Variants in TUBGCP6 observed in about 807,000 individuals in gnomAD.
TUBGCP6 encodes the protein tubulin gamma complex component 6.
Under a neutral mutation model 175.8 loss-of-function variants are expected in TUBGCP6, and 161 were observed. The ratio of observed to expected loss-of-function variants is 0.92; its 90% confidence interval spans 0.81 to 1.04. TUBGCP6 has a LOEUF of 1.04. Ranked by LOEUF, TUBGCP6 falls within the 50% of genes least tolerant of loss-of-function variation. The pLI, the probability that TUBGCP6 is intolerant of heterozygous loss-of-function variation, is 0.00. For missense variants in TUBGCP6, 2,572 were observed against 2,433.0 expected (o/e 1.06, Z -1.20); for synonymous variants, 1,173 against 1,030.5 (o/e 1.14, Z -2.65).
chr22:50,227,943 A>G lies in TUBGCP6; in HGVS notation c.1376T>C (p.Ile459Thr), dbSNP rs1289196991. 3 of 1,574,356 alleles carry G rather than the reference A, an allele frequency of 1.9e-6. No individual in the cohort carries two copies. The highest frequency in any genetic ancestry group is 2.7e-5 in the African/African-American group (2 of 74,352). Reference sequence around the variant, plus strand: ...GCCAAGTTTCTTGAAGAGAAAACCAATGGTGAGGAGGCTCAGGGTGGGCGG... The same window carrying G: ...GCCAAGTTTCTTGAAGAGAAAACCAGTGGTGAGGAGGCTCAGGGTGGGCGG... ...STPPTLSLLT[I>T]GFLFKKLGRQ... Residue 459 changes from isoleucine (I) to threonine (T), a missense_variant, in exon 5 of 25, where the codon ATT becomes ACT. Coordinates refer to ENST00000248846, the MANE Select transcript of TUBGCP6 (RefSeq NM_020461.4).
chr22:50,220,254 GTTC>G lies in TUBGCP6; in HGVS notation c.4102_4104del (p.Glu1368del). 3 of 1,553,760 alleles carry G rather than the reference GTTC, an allele frequency of 1.9e-6. No homozygotes were observed. The highest frequency in any genetic ancestry group is 2.6e-6 in the Non-Finnish European group (3 of 1,146,126). On this transcript the variant is annotated inframe_deletion, in exon 16 of 25. Coordinates refer to ENST00000248846, the MANE Select transcript of TUBGCP6 (RefSeq NM_020461.4). ...CCACCAGCCACCCTACTCTGACCTAGTTCTTCAGAGACACTGTCTCCCGGGGTG... is the reference window on the plus strand; with the variant it reads ...CCACCAGCCACCCTACTCTGACCTAGTTCAGAGACACTGTCTCCCGGGGTG...
At chr22:50,243,050 C>A (rs1173523398) in intron 1 of TUBGCP6, among the ~76,000 whole-genome samples, 1 of 152,202 alleles carries the variant, frequency 6.6e-6, no homozygotes, top group East Asian at 1.9e-4. Flanking sequence ...CACAGTGGCT[C>A]ATGCCTGTAA....
chr22:50,244,342 CCTT>C lies in TUBGCP6; in HGVS notation c.115_117del (p.Lys39del), dbSNP rs773501468. 1.2e-6 allele frequency: 2 copies of C among 1,613,548 alleles called. No individual in the cohort carries two copies. The highest frequency in any genetic ancestry group is 2.2e-5 in the East Asian group (1 of 44,882). Reference sequence around the variant, plus strand: ...TTTGTGAAAAGAGCATTGTAGGCCACCTTCTTGAGGCTCCGCTTTGCCCTCTTC... The same window carrying C: ...TTTGTGAAAAGAGCATTGTAGGCCACCTTGAGGCTCCGCTTTGCCCTCTTC... On this transcript the variant is annotated inframe_deletion, in exon 1 of 25. Coordinates refer to ENST00000248846, the MANE Select transcript of TUBGCP6 (RefSeq NM_020461.4).
chr22:50,233,547 A>G lies in TUBGCP6; in HGVS notation c.906-21T>C, dbSNP rs1410604505. On this transcript the variant is annotated intron_variant, in intron 2 of 24. Transcript: ENST00000248846. ...GGGGGCTGCGAGGGGTGCAGAAGAGAGGCCATGAGCAGACGTGGTGACCTG... is the reference window on the plus strand; with the variant it reads ...GGGGGCTGCGAGGGGTGCAGAAGAGGGGCCATGAGCAGACGTGGTGACCTG... 4 of 1,585,434 alleles carry G rather than the reference A, an allele frequency of 2.5e-6. No individual in the cohort carries two copies. In the African/African-American group the frequency reaches 5.4e-5, roughly 21 times the overall value.
Position 50,221,886 on chromosome 22 carries a change from G to A in TUBGCP6, c.2485-12C>T, listed in dbSNP as rs1555907731. Reference sequence around the variant, plus strand: ...CCCGGAGACGTGACCTGAAACACAGGTGACATCAGACCCAGTCTGGTCTCA... The same window carrying A: ...CCCGGAGACGTGACCTGAAACACAGATGACATCAGACCCAGTCTGGTCTCA... On this transcript the variant is annotated splice_polypyrimidine_tract_variant and intron_variant, in intron 15 of 24. Coordinates refer to ENST00000248846, the MANE Select transcript of TUBGCP6 (RefSeq NM_020461.4). 1.3e-6 allele frequency: 2 copies of A among 1,520,616 alleles called. No individual in the cohort carries two copies. The highest frequency in any genetic ancestry group is 1.8e-6 in the Non-Finnish European group (2 of 1,133,734). The allele number at this position is 1,520,616 out of a possible 1,614,324, so 94.2% of individuals were successfully genotyped here. A position where few individuals can be genotyped will look rare whatever the true frequency, so the allele number is the denominator to read the frequency against.
intron 16 of TUBGCP6, 73 bp downstream of exon 16, chr22:50,220,178 C>T (rs752248878): frequency 6.5e-7 from 1 of 1,548,484 alleles, no homozygotes; most frequent in Non-Finnish European, 8.8e-7. Context: ...CCACCAACCC[C>T]ACTGCCCGCC....
chr22:50,227,775 C>T, intron 5 of TUBGCP6, 132 bp downstream of exon 5: 2 of 1,311,120 alleles, frequency 1.5e-6, no homozygotes. Context: ...CGGCCAAGGG[C>T]CATCCGGTCG....
rs1279649172 is a variant in TUBGCP6 at position 50,225,935 on chromosome 22, G to A, written c.1842C>T (p.Leu614=). Residue 614 remains leucine (L), a synonymous_variant, in exon 10 of 25, where the codon CTC becomes CTT. Coordinates refer to ENST00000248846, the MANE Select transcript of TUBGCP6 (RefSeq NM_020461.4). The part of the protein sequence containing the change: ...LLKLCCPRHY[L]CWSDVPVPRI... ...GGGGGACAGGGACGTCGGACCAACA[G>A]AGGTAATGCTGCCAAAGGGGATGCA... is the stretch of plus-strand genomic sequence containing the variant. 6 of 1,613,546 alleles carry A rather than the reference G, an allele frequency of 3.7e-6. No individual in the cohort carries two copies. The highest frequency in any genetic ancestry group is 5.1e-6 in the Non-Finnish European group (6 of 1,179,842).
rs762988506 is a variant in TUBGCP6 at position 50,233,527 on chromosome 22, C to T, written c.906-1G>A. 1.2e-6 allele frequency: 2 copies of T among 1,600,744 alleles called. No individual in the cohort carries two copies. The highest frequency in any genetic ancestry group is 1.7e-6 in the Non-Finnish European group (2 of 1,174,036). On this transcript the variant is annotated splice_acceptor_variant, in intron 2 of 24. Transcript: ENST00000248846. LOFTEE classifies it high-confidence loss of function. ...AGGCTCCTCTCTGTGGCCAGGGGGG[C>T]TGCGAGGGGTGCAGAAGAGAGGCCA...
At position 50,218,629 on chromosome 22, in the gene TUBGCP6, A is replaced by C. The variant is rs141728151; in HGVS notation, c.4822-9T>G. 6 of 1,613,776 alleles carry C rather than the reference A, an allele frequency of 3.7e-6. No homozygotes were observed. Among genetic ancestry groups the C allele is most frequent in the Non-Finnish European group, 3.4e-6 (4 of 1,179,944 alleles). On this transcript the variant is annotated splice_polypyrimidine_tract_variant and intron_variant, in intron 21 of 24. Transcript: ENST00000248846. ...TTGAGAGGCCAGTCCACCTGCCAGGAGGCGTGGCTCAGCAGGCATCCCACA... is the reference window on the plus strand; with the variant it reads ...TTGAGAGGCCAGTCCACCTGCCAGGCGGCGTGGCTCAGCAGGCATCCCACA...
chr22:50,222,667 G>A, intron 13 of TUBGCP6, 75 bp from the exon 14 acceptor site: 1 of 1,580,588 alleles, frequency 6.3e-7, no homozygotes, highest in Non-Finnish European at 8.6e-7. Flanking sequence ...CTCAGGCCAG[G>A]ATGGTTCTCC....
chr22:50,234,821 C>T (rs111569990), intron 2 of TUBGCP6, among the ~76,000 whole-genome samples: 19,710 of 144,470 alleles, frequency 0.14, 1,552 homozygotes, highest in Middle Eastern at 0.25. Context: ...TCCACACCCC[C>T]TGTCCACGAC....
chr22:50,228,000 A>AG lies in TUBGCP6; in HGVS notation c.1318dup (p.Leu440ProfsTer127). Reference sequence around the variant, plus strand: ...AAGGACGCAGGCCCGGTAATACTGCAGGTACCTCCTCAGGCCACTGGTGAA... The same window carrying AG: ...AAGGACGCAGGCCCGGTAATACTGCAGGGTACCTCCTCAGGCCACTGGTGAA... On this transcript the variant is annotated frameshift_variant, in exon 5 of 25. Transcript: ENST00000248846. LOFTEE classifies it high-confidence loss of function. 1 of 1,567,996 alleles carries AG rather than the reference A, an allele frequency of 6.4e-7. No individual in the cohort carries two copies. The highest frequency in any genetic ancestry group is 8.6e-7 in the Non-Finnish European group (1 of 1,156,428).
At chr22:50,230,296 C>T (rs954833695) in intron 3 of TUBGCP6, among the ~76,000 whole-genome samples, 1 of 150,636 alleles carries the variant, frequency 6.6e-6, no homozygotes, top group Non-Finnish European at 1.5e-5. Flanking sequence ...ATAGCAAGAC[C>T]CCCATCTCTA....
intron 10 of TUBGCP6, 148 bp downstream of exon 10, chr22:50,225,646 G>A (rs959000958): frequency 3.8e-6 from 3 of 798,834 alleles, no homozygotes; most frequent in East Asian, 3.3e-5. Flanking sequence ...ACTCCCCCTT[G>A]GCACCCACCC....
intron 17 of TUBGCP6, 45 bp downstream of exon 17, chr22:50,219,912 G>A: frequency 1.2e-6 from 2 of 1,611,992 alleles, no homozygotes; most frequent in Non-Finnish European, 1.7e-6. Flanking sequence ...GAGGGACAGA[G>A]CCCTCCCTGC....
intron 2 of TUBGCP6, 161 bp downstream of exon 2, chr22:50,240,039 CTCTT>C: frequency 1.1e-6 from 1 of 938,486 alleles, no homozygotes; most frequent in Non-Finnish European, 1.6e-6. Context: ...CTCTGCATCT[CTCTT>C]AACTCCCAGG....
intron 6 of TUBGCP6, 66 bp from the exon 7 acceptor site, chr22:50,226,908 T>G: frequency 3.9e-6 from 6 of 1,557,184 alleles, no homozygotes; most frequent in Non-Finnish European, 5.2e-6. Context: ...GGCGCAGCCC[T>G]GCCGGCAGCA....
At chr22:50,232,321 G>A (rs902552451) in intron 3 of TUBGCP6, among the ~76,000 whole-genome samples, 12 of 151,322 alleles carry the variant, frequency 7.9e-5, no homozygotes, top group Non-Finnish European at 1.3e-4. Context: ...AGCCGAGACC[G>A]TGCCATTACA....
Sources: gnomAD v4.1 joint callset for allele counts (sites outside exome capture counted in the v4.1 genomes callset) on GRCh38, gnomAD v4.1.1 for gene constraint, MANE v1.5 for transcripts, NCBI Gene and HGNC (gene_info 2026-07-23, HGNC 2026-07-21) for gene names.